SLFN5: variants seen among roughly 807,000 people sequenced by gnomAD.
SLFN5 encodes schlafen family member 5.
A neutral mutation model predicts 48.5 loss-of-function variants in SLFN5; 34 were observed. That is an observed-to-expected ratio of 0.70 (90% CI 0.53 to 0.93). The LOEUF (loss-of-function observed/expected upper bound fraction) is 0.93. Ranked by LOEUF, SLFN5 falls within the 40% of genes least tolerant of loss-of-function variation. The pLI, the probability that SLFN5 is intolerant of heterozygous loss-of-function variation, is 0.00. For synonymous variants in SLFN5, 387 were observed against 396.2 expected (o/e 0.98, Z 0.28); for missense variants, 1,006 against 1,071.3 (o/e 0.94, Z 0.85).
At chr17:35,250,945 A>C (rs1368078099) in intron 1 of SLFN5, among the ~76,000 whole-genome samples, 1 of 152,252 alleles carries the variant, frequency 6.6e-6, no homozygotes, top group African/African-American at 2.4e-5. Flanking sequence ...AATCCCTCAC[A>C]AAATGACAGA....
chr17:35,272,950 C>A lies in SLFN5; in HGVS notation c.*7062C>A, dbSNP rs1904869206. Reference sequence around the variant, plus strand: ...CATATATCTCTTTCTCTAGAAATTTCTCTTTTGGGAATTTATTCTACATAT... The same window carrying A: ...CATATATCTCTTTCTCTAGAAATTTATCTTTTGGGAATTTATTCTACATAT... On this transcript the variant is annotated 3_prime_UTR_variant, in exon 5 of 5. Transcript: ENST00000299977. The A allele has an allele frequency of 6.9e-6, 1 of 145,406 alleles. No individual in the cohort carries two copies. Among genetic ancestry groups the A allele is most frequent in the Non-Finnish European group, 1.5e-5 (1 of 66,806 alleles). 9.0% of individuals were successfully genotyped at this position (145,406 alleles called of 1,614,324 possible).
rs200108679 is a variant in SLFN5 at position 35,261,058 on chromosome 17, C to T, written c.1100C>T (p.Ser367Leu). Residue 367 changes from serine (S) to leucine (L), a missense_variant, in exon 3 of 5, where the codon TCG (serine) becomes TTG (leucine). Physicochemically the swap from Ser to Leu is moderately radical, Grantham distance 145. Transcript: ENST00000299977. ...RSKPVCIHKN[S>L]ECLKEQQKRY... ...AAGCCTGTGTGCATTCATAAGAATTCGGAATGTCTGAAAGAGCAGCAGAAA... is the reference window on the plus strand; with the variant it reads ...AAGCCTGTGTGCATTCATAAGAATTTGGAATGTCTGAAAGAGCAGCAGAAA... 9.7e-5 allele frequency: 156 copies of T among 1,613,690 alleles called. No individual in the cohort carries two copies. The highest frequency in any genetic ancestry group is 1.3e-4 in the Non-Finnish European group (149 of 1,179,790).
At chr17:35,258,009 G>A (rs552367455) in intron 1 of SLFN5, among the ~76,000 whole-genome samples, 1 of 152,286 alleles carries the variant, frequency 6.6e-6, no homozygotes, top group Admixed American at 6.5e-5. Flanking sequence ...TTTTCTGCAG[G>A]TGACCTGCGA....
chr17:35,248,828 C>T (rs2092436263), intron 1 of SLFN5, among the ~76,000 whole-genome samples: 1 of 152,124 alleles, frequency 6.6e-6, no homozygotes, highest in South Asian at 2.1e-4. Context: ...CCAAGGTTAC[C>T]TAACCTCTAT....
rs778822100 is a variant in SLFN5, at chr17:35,261,147, TA to T, written c.1138+57del. The T allele has an allele frequency of 1.0e-5, 16 of 1,586,494 alleles. No homozygotes were observed. The South Asian group carries it at 1.4e-4, about 13-fold the overall frequency. ...GGAATATGTTGATTGTTCATTCATA[TA>T]AAAAATTGACTCCTACTTTATATTA... On this transcript the variant is annotated intron_variant, in intron 3 of 4. Coordinates refer to ENST00000299977, the MANE Select transcript of SLFN5 (RefSeq NM_144975.4).
Position 35,259,527 on chromosome 17 carries a change from C to A in SLFN5, c.837C>A (p.Asn279Lys). 2 of 1,614,226 alleles carry A rather than the reference C, an allele frequency of 1.2e-6. No homozygotes were observed. The highest frequency in any genetic ancestry group is 1.7e-6 in the Non-Finnish European group (2 of 1,180,056). The change falls in exon 2 of 5, where the codon AAC (asparagine) becomes AAA (lysine). Residue 279 changes from asparagine (N) to lysine (K), a missense_variant. Asn to Lys is a moderately conservative substitution (Grantham distance 94, BLOSUM62 0). Transcript: ENST00000299977. The stretch of plus-strand genomic sequence containing the variant: ...GGCCTGAGATAAAATATGTCCTTAA[C>A]TTCCTTGAAGTGCATGATAAGGGGG... ...TQRPEIKYVL[N>K]FLEVHDKGAL...
rs1555592828 is a variant in SLFN5 at position 35,266,165 on chromosome 17, T to TGTGC, written c.*280_*281insCGTG. On this transcript the variant is annotated 3_prime_UTR_variant, in exon 5 of 5. Transcript: ENST00000299977. ...AGATGTGTGTGTGTGTGTGTGTGTG[T>TGTGC]GTGTGTGTGTGTGCGCGCGCGCACG... The TGTGC allele has an allele frequency of 1.4e-5, 4 of 279,214 alleles. No individual in the cohort carries two copies. The highest frequency in any genetic ancestry group is 1.0e-4 in the African/African-American group (4 of 39,372). 17.3% of individuals were successfully genotyped at this position (279,214 alleles called of 1,614,324 possible).
rs1199463275 is a variant in SLFN5, at chr17:35,261,087, T to A, written c.1129T>A (p.Tyr377Asn). The A allele has an allele frequency of 1.9e-6, 3 of 1,613,420 alleles. No homozygotes were observed. The highest frequency in any genetic ancestry group is 2.5e-6 in the Non-Finnish European group (3 of 1,179,506). Residue 377 changes from tyrosine (Y) to asparagine (N), a missense_variant, in exon 3 of 5, where the codon TAC becomes AAC. Coordinates refer to ENST00000299977, the MANE Select transcript of SLFN5 (RefSeq NM_144975.4). ...SECLKEQQKR[Y>N]FPVFSDRVVY... is the part of the protein sequence containing the mutation. The stretch of plus-strand genomic sequence containing the variant: ...ATGTCTGAAAGAGCAGCAGAAACGC[T>A]ACTTTCCAGGTAATTGGCCATCTCT...
rs35160124 is a variant in SLFN5 at position 35,266,177 on chromosome 17, T to TGTGTGTGTGTGTGC, written c.*290_*291insTGTGTGTGTGTGCG. The TGTGTGTGTGTGTGC allele has an allele frequency of 3.9e-4, 68 of 173,416 alleles. No homozygotes were observed. The highest frequency in any genetic ancestry group is 7.0e-4 in the African/African-American group (27 of 38,532). The allele number at this position is 173,416 out of a possible 1,614,324, so 10.7% of individuals were successfully genotyped here. Reference sequence around the variant, plus strand: ...GTGTGTGTGTGTGTGTGTGTGTGTGTGCGCGCGCGCACGTGCACATGTGTG... The same window carrying TGTGTGTGTGTGTGC: ...GTGTGTGTGTGTGTGTGTGTGTGTGTGTGTGTGTGTGTGCGCGCGCGCGCACGTGCACATGTGTG... On this transcript the variant is annotated 3_prime_UTR_variant, in exon 5 of 5. Coordinates refer to ENST00000299977, the MANE Select transcript of SLFN5 (RefSeq NM_144975.4).
At chr17:35,260,836 C>T (rs553648263) in intron 2 of SLFN5, 135 bp from the exon 3 acceptor site, 4 of 1,104,392 alleles carry the variant, frequency 3.6e-6, no homozygotes, top group Non-Finnish European at 4.9e-6. Flanking sequence ...CCTGAGCTGA[C>T]CTGAGATGTA....
Position 35,259,591 on chromosome 17 carries a change from T to C in SLFN5, c.901T>C (p.Phe301Leu). ...TGTCTGTGCAATCAAGGTGGAGAAA[T>C]TCTGCTGTGCGGTGTTTGCCAAAGT... ...GYVCAIKVEK[F>L]CCAVFAKVPS... Residue 301 changes from phenylalanine to leucine, a missense_variant, in exon 2 of 5, where the codon TTC becomes CTC. By Grantham distance (22) the Phe-to-Leu change is conservative (BLOSUM62 0). Coordinates refer to ENST00000299977, the MANE Select transcript of SLFN5 (RefSeq NM_144975.4). 1 of 1,612,232 alleles carries C rather than the reference T, an allele frequency of 6.2e-7. No homozygotes were observed. Among genetic ancestry groups the C allele is most frequent in the Non-Finnish European group, 8.5e-7 (1 of 1,180,004 alleles).
intron 1 of SLFN5, among the ~76,000 whole-genome samples, chr17:35,253,464 TG>T (rs1176024940): frequency 1.3e-5 from 2 of 151,876 alleles, no homozygotes; most frequent in African/African-American, 2.4e-5. Context: ...CTCAATCCAC[TG>T]GGCTCAGGAG....
intron 1 of SLFN5, among the ~76,000 whole-genome samples, chr17:35,250,412 C>G (rs982655286): frequency 9.2e-5 from 14 of 152,050 alleles, no homozygotes; most frequent in African/African-American, 3.4e-4. Context: ...GTAATCCCAG[C>G]ACTTTGGGAG....
At chr17:35,251,055 A>G (rs1398879611) in intron 1 of SLFN5, among the ~76,000 whole-genome samples, 1 of 152,114 alleles carries the variant, frequency 6.6e-6, no homozygotes, top group African/African-American at 2.4e-5. Flanking sequence ...TCAGTGAGGG[A>G]TTCTCTCCTT....
chr17:35,245,669 T>C (rs2092429024), intron 1 of SLFN5, among the ~76,000 whole-genome samples: 1 of 152,232 alleles, frequency 6.6e-6, no homozygotes. Context: ...AATAGTTCTT[T>C]CCTTTTTATT....
At chr17:35,261,683 T>C (rs969124333) in intron 3 of SLFN5, among the ~76,000 whole-genome samples, 169 of 145,920 alleles carry the variant, frequency 1.2e-3, no homozygotes, top group Non-Finnish European at 1.6e-3. Flanking sequence ...GTCTTTTTTT[T>C]TTTTTTTTTG....
chr17:35,256,135 G>T (rs1283739691), intron 1 of SLFN5, among the ~76,000 whole-genome samples: 1 of 152,236 alleles, frequency 6.6e-6, no homozygotes, highest in Non-Finnish European at 1.5e-5. Context: ...AAGGCGGGCA[G>T]ATCACCGGAG....
At chr17:35,253,534 G>GC (rs1212846199) in intron 1 of SLFN5, among the ~76,000 whole-genome samples, 2 of 151,706 alleles carry the variant, frequency 1.3e-5, no homozygotes, top group African/African-American at 4.9e-5. Context: ...ACCATGCTTG[G>GC]TGTTTTGGTT....
chr17:35,263,612 C>T (rs1034382977), intron 3 of SLFN5, among the ~76,000 whole-genome samples: 12 of 151,790 alleles, frequency 7.9e-5, no homozygotes, highest in African/African-American at 2.9e-4. Context: ...CACTTGAGCC[C>T]AGGAGTTTGA....
Sources: allele counts gnomAD v4.1 joint callset (sites outside exome capture counted in the v4.1 genomes callset), GRCh38; gene constraint gnomAD v4.1.1; transcripts MANE v1.5; gene names NCBI Gene and HGNC (gene_info 2026-07-23, HGNC 2026-07-21).